The following PALM2AKAP2 variants were observed in gnomAD, a reference collection of about 807,000 sequenced individuals.
PALM2AKAP2 encodes PALM2 and AKAP2 fusion, also known as PALM2-AKAP2 fusion protein.
In PALM2AKAP2, 37 loss-of-function variants were observed where a neutral mutation model predicts 71.5. The ratio of observed to expected loss-of-function variants is 0.52; its 90% CI spans 0.40 to 0.68. PALM2AKAP2 has a LOEUF of 0.68. Among genes scored for constraint, PALM2AKAP2 ranks in the 30% least tolerant of loss-of-function variants. The pLI, the probability that PALM2AKAP2 is intolerant of heterozygous loss-of-function variation, is 0.00. For synonymous variants in PALM2AKAP2, 468 were observed against 478.8 expected (o/e 0.98, Z 0.29); for missense variants, 1,224 against 1,191.8 (o/e 1.03, Z -0.40).
At position 109,675,616 on chromosome 9, in the gene PALM2AKAP2, G is replaced by A. The variant is rs997522374; in HGVS notation, c.5+34750G>A. Among the ~76,000 whole-genome samples the A allele has an allele frequency of 5.9e-5, 9 of 152,074 alleles. No individual in the cohort carries two copies. In the South Asian group the frequency reaches 1.7e-3, roughly 28 times the overall value. Reference sequence around the variant, plus strand: ...TTAGCAGAATCCTGCCTATTATTTAGGCACAGAGTTATTCAGCTGTAACAT... The same window carrying A: ...TTAGCAGAATCCTGCCTATTATTTAAGCACAGAGTTATTCAGCTGTAACAT... On this transcript the variant is annotated intron_variant, in intron 1 of 6. Transcript: ENST00000374531.
intron 1 of PALM2AKAP2, among the ~76,000 whole-genome samples, chr9:109,673,298 A>T (rs778766315): frequency 1.3e-5 from 2 of 152,078 alleles, no homozygotes; most frequent in African/African-American, 2.4e-5. Flanking sequence ...AGATTCTGGC[A>T]TGTTGTATCT....
chr9:109,759,062 A>G (rs1440651553), intron 1 of PALM2AKAP2, among the ~76,000 whole-genome samples: 1 of 152,102 alleles, frequency 6.6e-6, no homozygotes, highest in African/African-American at 2.4e-5. Context: ...TTACTAATTA[A>G]TAGAAAGAGA....
At chr9:109,786,147 TG>T (rs1826959963) in intron 1 of PALM2AKAP2, among the ~76,000 whole-genome samples, 1 of 152,266 alleles carries the variant, frequency 6.6e-6, no homozygotes, top group Non-Finnish European at 1.5e-5. Flanking sequence ...TTTTCTTGCC[TG>T]GGAGCATTAC....
chr9:109,862,942 G>A (rs953423164), intron 1 of PALM2AKAP2: 1 of 513,710 alleles, frequency 1.9e-6, no homozygotes, highest in Admixed American at 2.0e-5. Context: ...TCATGGTAGG[G>A]GGCCATGGCT....
intron 1 of PALM2AKAP2, among the ~76,000 whole-genome samples, chr9:109,782,738 G>A (rs1564146097): frequency 7.6e-6 from 1 of 131,326 alleles, no homozygotes; most frequent in East Asian, 2.1e-4. Flanking sequence ...AACAGCGTGT[G>A]TTTGTTTGTG....
intron 6 of PALM2AKAP2, among the ~76,000 whole-genome samples, chr9:109,973,368 C>G (rs1190073383): frequency 6.6e-6 from 1 of 152,204 alleles, no homozygotes; most frequent in East Asian, 1.9e-4. Flanking sequence ...TACTGGAGCT[C>G]TGTTCTAGGT....
At chr9:110,129,666 T>TA (rs1298292806) in intron 1 of PALM2AKAP2, among the ~76,000 whole-genome samples, 1 of 152,222 alleles carries the variant, frequency 6.6e-6, no homozygotes, top group Non-Finnish European at 1.5e-5. Flanking sequence ...ATGCCACACT[T>TA]ACAGCATGCC....
chr9:110,127,244 G>A (rs574039689), intron 1 of PALM2AKAP2, among the ~76,000 whole-genome samples: 1 of 152,286 alleles, frequency 6.6e-6, no homozygotes, highest in East Asian at 1.9e-4. Context: ...GATCCATGGA[G>A]GCAAACCAAG....
intron 3 of PALM2AKAP2, among the ~76,000 whole-genome samples, chr9:109,917,271 G>A (rs558466750): frequency 3.9e-5 from 6 of 152,322 alleles, no homozygotes; most frequent in East Asian, 3.9e-4. Context: ...GGAACACAAC[G>A]CTGCCAGCAC....
At chr9:109,854,893 C>CCTG (rs1829120479) in intron 1 of PALM2AKAP2, among the ~76,000 whole-genome samples, 2 of 149,822 alleles carry the variant, frequency 1.3e-5, no homozygotes, top group Admixed American at 6.7e-5. Flanking sequence ...ACCTCAGCCT[C>CCTG]CTGAGTAGCT....
At chr9:109,923,023 A>G (rs2131954905) in intron 3 of PALM2AKAP2, among the ~76,000 whole-genome samples, 1 of 152,328 alleles carries the variant, frequency 6.6e-6, no homozygotes, top group South Asian at 2.1e-4. Flanking sequence ...GGTGGTAATT[A>G]TTATCATTTC....
intron 1 of PALM2AKAP2, among the ~76,000 whole-genome samples, chr9:109,753,132 G>T (rs1159090983): frequency 1.3e-5 from 2 of 152,134 alleles, no homozygotes; most frequent in African/African-American, 4.8e-5. Flanking sequence ...TTGTACCCAT[G>T]ACTTCTTGAT....
At chr9:109,832,880 T>G (rs1241280048) in intron 1 of PALM2AKAP2, among the ~76,000 whole-genome samples, 1 of 152,206 alleles carries the variant, frequency 6.6e-6, no homozygotes, top group Non-Finnish European at 1.5e-5. Context: ...CACTGAACAC[T>G]TCGGGCACTA....
chr9:109,923,682 C>T (rs752050584), intron 3 of PALM2AKAP2, 53 bp from the exon 4 acceptor site: 3 of 1,520,652 alleles, frequency 2.0e-6, no homozygotes, highest in East Asian at 4.9e-5. Context: ...GCTCTCTTGC[C>T]CGTGGATGGC....
chr9:109,942,819 AGT>A, intron 6 of PALM2AKAP2: 5 of 1,614,168 alleles, frequency 3.1e-6, no homozygotes, highest in Non-Finnish European at 4.2e-6. Flanking sequence ...GTACCAAAGT[AGT>A]GTATGAGGTG....
chr9:109,688,753 ATTATAGG>A (rs1173114202), intron 1 of PALM2AKAP2, among the ~76,000 whole-genome samples: 1 of 152,252 alleles, frequency 6.6e-6, no homozygotes, highest in Non-Finnish European at 1.5e-5. Context: ...CTAACAAATA[ATTATAGG>A]TTGAATGAAA....
chr9:109,642,482 C>T (rs67872603), intron 1 of PALM2AKAP2, among the ~76,000 whole-genome samples: 13,742 of 145,148 alleles, frequency 0.095, 763 homozygotes, highest in South Asian at 0.2. Context: ...TTACTTTCAA[C>T]GGCAAAAACC....
chr9:109,964,236 A>C (rs1831903171), intron 6 of PALM2AKAP2, among the ~76,000 whole-genome samples: 1 of 152,282 alleles, frequency 6.6e-6, no homozygotes, highest in Admixed American at 6.5e-5. Context: ...ATTGTCTTAC[A>C]CCAGAGCTGT....
intron 1 of PALM2AKAP2, among the ~76,000 whole-genome samples, chr9:109,694,088 CTG>C (rs1436103850): frequency 2.0e-5 from 3 of 151,968 alleles, no homozygotes; most frequent in African/African-American, 7.2e-5. Context: ...AGGAGCTTGA[CTG>C]TTTTGTTTAC....
Sources: allele counts gnomAD v4.1 joint callset (sites outside exome capture counted in the v4.1 genomes callset), GRCh38; gene constraint gnomAD v4.1.1; transcripts MANE v1.5; gene names NCBI Gene and HGNC (gene_info 2026-07-23, HGNC 2026-07-21).